Variants in NUP205 observed in about 807,000 individuals in gnomAD.
NUP205 encodes nuclear pore complex protein Nup205.
Under a neutral mutation model 253.8 loss-of-function variants are expected in NUP205, and 76 were observed. The observed-to-expected ratio is 0.30, with a 90% CI of 0.25 to 0.36. The LOEUF (loss-of-function observed/expected upper bound fraction) is 0.36, where lower values mean the gene tolerates loss of function less well. Ranked by LOEUF, NUP205 falls within the 10% of genes least tolerant of loss-of-function variation. The pLI, the probability that NUP205 is intolerant of heterozygous loss-of-function variation, is 1.00. For synonymous variants in NUP205, 832 were observed against 850.1 expected, an observed-to-expected ratio of 0.98 and a Z score of 0.37; for missense variants, 2,162 against 2,425.5, an observed-to-expected ratio of 0.89 and a Z score of 2.28.
chr7:135,614,211 A>G lies in NUP205; in HGVS notation c.3248A>G (p.Tyr1083Cys). The G allele has an allele frequency of 6.2e-7, 1 of 1,612,628 alleles. No individual in the cohort carries two copies. The highest frequency in any genetic ancestry group is 8.5e-7 in the Non-Finnish European group (1 of 1,178,782). ...GATACATCTGGTCCTACTATGAGGT[A>G]CTTGAGAACCAGCCAGGATTTCTTA... ...CSDTSGPTMR[Y>C]LRTSQDFLFS... The change falls in exon 23 of 43, where the codon TAC becomes TGC. Residue 1083 changes from tyrosine to cysteine, a missense_variant. Physicochemically the swap from Tyr to Cys is radical, Grantham distance 194. Coordinates refer to ENST00000285968, the MANE Select transcript of NUP205 (RefSeq NM_015135.3).
chr7:135,615,865 T>C (rs1351293346), intron 23 of NUP205, 51 bp from the exon 24 acceptor site: 2 of 1,322,072 alleles, frequency 1.5e-6, no homozygotes, highest in African/African-American at 1.5e-5. Context: ...AAGTCTGTTT[T>C]GATACTGTGT....
chr7:135,587,544 A>G (rs990639216), intron 8 of NUP205, 31 bp from the exon 9 acceptor site: 7 of 1,286,306 alleles, frequency 5.4e-6, no homozygotes, highest in African/African-American at 1.5e-5. Flanking sequence ...ATACATTTAC[A>G]TATTAAAACT....
chr7:135,564,923 T>A (rs139540509), intron 1 of NUP205, among the ~76,000 whole-genome samples: 3,804 of 152,082 alleles, frequency 0.025, 78 homozygotes, highest in South Asian at 0.078. Flanking sequence ...CACGCCACCA[T>A]GCCTGGCTAC....
chr7:135,570,432 C>G (rs1300767877), intron 1 of NUP205, among the ~76,000 whole-genome samples: 2 of 151,486 alleles, frequency 1.3e-5, no homozygotes, highest in Non-Finnish European at 2.9e-5. Context: ...CCAGGTTGGT[C>G]TCAAACTCCT....
intron 1 of NUP205, among the ~76,000 whole-genome samples, chr7:135,567,749 G>C (rs984952173): frequency 6.6e-6 from 1 of 152,130 alleles, no homozygotes; most frequent in Non-Finnish European, 1.5e-5. Context: ...TTTCTCAACA[G>C]TTTACCCTGT....
intron 1 of NUP205, among the ~76,000 whole-genome samples, chr7:135,570,567 T>A (rs1161722917): frequency 6.7e-6 from 1 of 149,182 alleles, no homozygotes; most frequent in South Asian, 2.1e-4. Flanking sequence ...GTTTATATCA[T>A]TGCTTGAGAA....
chr7:135,632,987 C>A (rs1266591721), intron 35 of NUP205, among the ~76,000 whole-genome samples: 1 of 151,924 alleles, frequency 6.6e-6, no homozygotes, highest in African/African-American at 2.4e-5. Flanking sequence ...TTTGGGGGGA[C>A]AGGGTCTCAC....
intron 17 of NUP205, among the ~76,000 whole-genome samples, chr7:135,602,533 A>G (rs1793987606): frequency 6.6e-6 from 1 of 152,244 alleles, no homozygotes; most frequent in South Asian, 2.1e-4. Flanking sequence ...GGGAAAAGAT[A>G]AAGAAGTGAT....
intron 1 of NUP205, among the ~76,000 whole-genome samples, chr7:135,565,889 C>G (rs1805743854): frequency 6.6e-6 from 1 of 152,186 alleles, no homozygotes; most frequent in Admixed American, 6.6e-5. Context: ...GAAACCTACT[C>G]TATCCTTTGC....
chr7:135,636,317 C>T (rs879482431), intron 36 of NUP205, among the ~76,000 whole-genome samples: 7 of 152,058 alleles, frequency 4.6e-5, no homozygotes, highest in East Asian at 3.9e-4. Flanking sequence ...TTTTTTCATG[C>T]GCTGTTTTTC....
At chr7:135,572,400 A>C (rs567652255) in intron 2 of NUP205, among the ~76,000 whole-genome samples, 1 of 152,102 alleles carries the variant, frequency 6.6e-6, no homozygotes, top group African/African-American at 2.4e-5. Flanking sequence ...GTATTATTTT[A>C]TAGTAGTTTA....
chr7:135,629,499 C>CTCTCTCTCTCTG (rs1412646718), intron 34 of NUP205, among the ~76,000 whole-genome samples: 1 of 135,104 alleles, frequency 7.4e-6, no homozygotes, highest in Non-Finnish European at 1.6e-5. Flanking sequence ...CTCTCTCTCT[C>CTCTCTCTCTCTG]TCTCTCTCTC....
At chr7:135,622,707 G>A in intron 30 of NUP205, 70 bp from the exon 31 acceptor site, 1 of 1,337,638 alleles carries the variant, frequency 7.5e-7, no homozygotes, top group Non-Finnish European at 1.0e-6. Context: ...TACCTAGCAT[G>A]TGAGGTATAA....
intron 23 of NUP205, among the ~76,000 whole-genome samples, chr7:135,614,498 C>A (rs893794913): frequency 1.3e-5 from 2 of 151,916 alleles, no homozygotes; most frequent in Admixed American, 1.3e-4. Context: ...GATTCTCTTA[C>A]AACAAATAAA....
At chr7:135,570,033 A>ATG (rs1805900460) in intron 1 of NUP205, among the ~76,000 whole-genome samples, 1 of 57,810 alleles carries the variant, frequency 1.7e-5, no homozygotes, top group Non-Finnish European at 3.5e-5. Flanking sequence ...TATGTTTTAT[A>ATG]TATATATATA....
In NUP205 at chr7:135,602,833, G is replaced by T; in HGVS notation, c.2541G>T (p.Gln847His). ...PGKKHLEKAV[Q>H]HCLALLNLTL... Reference sequence around the variant, plus strand: ...AAAAACACCTGGAGAAAGCAGTACAGCATTGCCTTGCACTTCTCAATCTTA... The same window carrying T: ...AAAAACACCTGGAGAAAGCAGTACATCATTGCCTTGCACTTCTCAATCTTA... Residue 847 changes from glutamine to histidine, a missense_variant, in exon 18 of 43, where the codon CAG becomes CAT. Physicochemically the swap from Gln to His is conservative, Grantham distance 24. Transcript: ENST00000285968. 1 of 1,613,730 alleles carries T rather than the reference G, an allele frequency of 6.2e-7. No individual in the cohort carries two copies. Among genetic ancestry groups the T allele is most frequent in the Non-Finnish European group, 8.5e-7 (1 of 1,179,876 alleles).
In NUP205 at chr7:135,646,245, C is replaced by T. The variant is rs370092679; in HGVS notation, c.5886+14C>T. 8 of 1,572,834 alleles carry T rather than the reference C, an allele frequency of 5.1e-6. No individual in the cohort carries two copies. In the African/African-American group the frequency reaches 6.8e-5, roughly 13 times the overall value. On this transcript the variant is annotated intron_variant, in intron 42 of 42. Transcript: ENST00000285968. ...GATTTAGACCAGGTAAGGTTCTATT[C>T]TCATATTCTTTTATTTTTCTTCATT...
chr7:135,645,610 T>C lies in NUP205; in HGVS notation c.5812+14T>C. 1 of 1,607,360 alleles carries C rather than the reference T, an allele frequency of 6.2e-7. No individual in the cohort carries two copies. Among genetic ancestry groups the C allele is most frequent in the Non-Finnish European group, 8.5e-7 (1 of 1,178,312 alleles). ...GAAGACTGCAAGGTAAACTTTCTGC[T>C]AAAAATTAATGAACCATAAATACCT... On this transcript the variant is annotated intron_variant, in intron 41 of 42. Transcript: ENST00000285968.
intron 22 of NUP205, among the ~76,000 whole-genome samples, chr7:135,607,765 G>C (rs2129490764): frequency 6.6e-6 from 1 of 152,250 alleles, no homozygotes; most frequent in African/African-American, 2.4e-5. Flanking sequence ...TTCAAACTGT[G>C]AAATGGACTG....
Sources: allele counts gnomAD v4.1 joint callset (sites outside exome capture counted in the v4.1 genomes callset), GRCh38; gene constraint gnomAD v4.1.1; transcripts MANE v1.5; gene names NCBI Gene and HGNC (gene_info 2026-07-23, HGNC 2026-07-21).